Variants in RBMS1 observed in about 807,000 individuals in gnomAD.
RBMS1 encodes the protein RNA-binding motif, single-stranded-interacting protein 1.
A neutral mutation model predicts 62.3 loss-of-function variants in RBMS1; 17 were observed. The observed-to-expected ratio is 0.27, with a 90% CI of 0.19 to 0.41. RBMS1 has a LOEUF of 0.41. Among genes scored for constraint, RBMS1 ranks in the 10% least tolerant of loss-of-function variants. The pLI is 1.00. For missense variants in RBMS1, 334 were observed against 504.5 expected, an observed-to-expected ratio of 0.66 and a Z score of 3.24; for synonymous variants, 172 against 170.0, an observed-to-expected ratio of 1.01 and a Z score of -0.09.
chr2:160,406,190 T>TA (rs1429265878), intron 1 of RBMS1, among the ~76,000 whole-genome samples: 13 of 152,214 alleles, frequency 8.5e-5, no homozygotes, highest in Admixed American at 7.2e-4. Context: ...GGTGTGTGTT[T>TA]ACTGCCTCTT....
intron 2 of RBMS1, among the ~76,000 whole-genome samples, chr2:160,352,110 G>A (rs940114005): frequency 1.3e-5 from 2 of 152,130 alleles, no homozygotes; most frequent in Non-Finnish European, 2.9e-5. Context: ...TGAACATAGG[G>A]AAATACAACA....
At chr2:160,450,400 C>T (rs1360472630) in intron 1 of RBMS1, among the ~76,000 whole-genome samples, 2 of 151,730 alleles carry the variant, frequency 1.3e-5, no homozygotes, top group Admixed American at 6.6e-5. Flanking sequence ...ATTAGCCGGG[C>T]GTGATGAAAG....
At chr2:160,475,224 T>C (rs1429771850) in intron 1 of RBMS1, among the ~76,000 whole-genome samples, 1 of 152,210 alleles carries the variant, frequency 6.6e-6, no homozygotes, top group African/African-American at 2.4e-5. Context: ...CATTCCTTTA[T>C]TCAACAAAAT....
intron 1 of RBMS1, among the ~76,000 whole-genome samples, chr2:160,378,660 G>A (rs1013855222): frequency 1.3e-5 from 2 of 150,724 alleles, no homozygotes; most frequent in African/African-American, 2.4e-5. Flanking sequence ...TGTCATAAGA[G>A]TACACTCAGA....
intron 3 of RBMS1, among the ~76,000 whole-genome samples, chr2:160,315,237 T>A (rs1690145016): frequency 6.6e-6 from 1 of 152,238 alleles, no homozygotes; most frequent in Non-Finnish European, 1.5e-5. Context: ...TTTATAACCA[T>A]TTGCTGAAGA....
At chr2:160,360,116 T>C (rs1055233838) in intron 2 of RBMS1, among the ~76,000 whole-genome samples, 1 of 152,094 alleles carries the variant, frequency 6.6e-6, no homozygotes. Flanking sequence ...TTCAACAAAC[T>C]AGCTAGTGGT....
At chr2:160,386,893 C>G (rs763109196) in intron 1 of RBMS1, among the ~76,000 whole-genome samples, 1 of 152,222 alleles carries the variant, frequency 6.6e-6, no homozygotes, top group African/African-American at 2.4e-5. Flanking sequence ...GTATTTTTCA[C>G]AGAAATGCAG....
chr2:160,492,726 G>A (rs1685884525), intron 1 of RBMS1, among the ~76,000 whole-genome samples: 1 of 152,238 alleles, frequency 6.6e-6, no homozygotes. Flanking sequence ...ACAAAGATCA[G>A]AGGCGAGGGG....
chr2:160,407,918 C>T, intron 1 of RBMS1: 1 of 980,430 alleles, frequency 1.0e-6, no homozygotes, highest in East Asian at 1.2e-4. Flanking sequence ...GCGCGCCGGC[C>T]GGGGGCGGGG....
intron 10 of RBMS1, 88 bp downstream of exon 10, chr2:160,281,226 T>C (rs1265663901): frequency 2.9e-6 from 3 of 1,043,880 alleles, no homozygotes; most frequent in Non-Finnish European, 4.1e-6. Flanking sequence ...CCAAATCCTA[T>C]ACCACCCTTG....
At chr2:160,294,736 A>C (rs1269429111) in intron 6 of RBMS1, among the ~76,000 whole-genome samples, 3 of 152,202 alleles carry the variant, frequency 2.0e-5, no homozygotes, top group Admixed American at 2.0e-4. Flanking sequence ...TACGCCAGCT[A>C]AACAACTTGC....
At chr2:160,277,508 A>G (rs542168635) in intron 11 of RBMS1, 125 bp from the exon 12 acceptor site, 28 of 660,178 alleles carry the variant, frequency 4.2e-5, no homozygotes, top group Admixed American at 2.9e-4. Flanking sequence ...AATGGGCTAC[A>G]CCTCAAAGCT....
At chr2:160,395,479 C>T (rs62177322) in intron 1 of RBMS1, among the ~76,000 whole-genome samples, 38,763 of 151,880 alleles carry the variant, frequency 0.26, 5,790 homozygotes, top group East Asian at 0.59. Context: ...AAAAAATTAG[C>T]CGGGCGTGGT....
intron 1 of RBMS1, among the ~76,000 whole-genome samples, chr2:160,450,793 G>T (rs1385912867): frequency 6.6e-6 from 1 of 152,106 alleles, no homozygotes; most frequent in Non-Finnish European, 1.5e-5. Flanking sequence ...TTTGAAACTT[G>T]TGTTGACCTG....
chr2:160,451,160 A>AAAAAAAAT (rs1344461517), intron 1 of RBMS1, among the ~76,000 whole-genome samples: 1 of 150,428 alleles, frequency 6.6e-6, no homozygotes, highest in Non-Finnish European at 1.5e-5. Flanking sequence ...ATGCTTCAGA[A>AAAAAAAAT]AAAAAAAAAT....
At chr2:160,282,441 T>TAGTGGAGAAAGGCCCACTCCAACATG (rs1341282785) in intron 9 of RBMS1, 2 of 649,412 alleles carry the variant, frequency 3.1e-6, no homozygotes, top group Non-Finnish European at 5.2e-6. Context: ...TATGGTGGTT[T>TAGTGGAGAAAGGCCCACTCCAACATG]AGTGGAGAAA....
intron 1 of RBMS1, among the ~76,000 whole-genome samples, chr2:160,391,694 A>G (rs1347064539): frequency 1.3e-5 from 2 of 152,224 alleles, no homozygotes; most frequent in Non-Finnish European, 2.9e-5. Context: ...TAACCAATGT[A>G]GGGCTGGGCA....
At chr2:160,444,320 T>C (rs946078545) in intron 1 of RBMS1, among the ~76,000 whole-genome samples, 5 of 152,246 alleles carry the variant, frequency 3.3e-5, no homozygotes, top group African/African-American at 7.2e-5. Flanking sequence ...TCATTTGATA[T>C]GTAAACATAA....
chr2:160,461,008 C>G (rs541264416), intron 1 of RBMS1, among the ~76,000 whole-genome samples: 7 of 152,242 alleles, frequency 4.6e-5, no homozygotes, highest in African/African-American at 1.7e-4. Flanking sequence ...CCTGTAATCC[C>G]AATACTTTGG....
Sources: allele counts gnomAD v4.1 joint callset (sites outside exome capture counted in the v4.1 genomes callset), GRCh38; gene constraint gnomAD v4.1.1; transcripts MANE v1.5; gene names NCBI Gene and HGNC (gene_info 2026-07-23, HGNC 2026-07-21).